Variants in NKAIN2 observed in about 807,000 individuals in gnomAD.
The protein encoded by NKAIN2 is sodium/potassium transporting ATPase interacting 2.
Under a neutral mutation model 32.6 loss-of-function variants are expected in NKAIN2, and 14 were observed. The observed-to-expected ratio is 0.43, with a 90% CI of 0.28 to 0.67. NKAIN2 has a LOEUF of 0.67. Ranked by LOEUF, NKAIN2 falls within the 30% of genes least tolerant of loss-of-function variation. The probability of loss-of-function intolerance (pLI) is 0.17; values close to 1 mark genes in which losing one functional copy is unlikely to be tolerated. For synonymous variants in NKAIN2, 80 were observed against 87.2 expected (o/e 0.92, Z 0.46); for missense variants, 198 against 258.3 (o/e 0.77, Z 1.60).
intron 1 of NKAIN2, among the ~76,000 whole-genome samples, chr6:123,812,328 A>G (rs971990614): frequency 6.6e-6 from 1 of 152,226 alleles, no homozygotes; most frequent in East Asian, 1.9e-4. Flanking sequence ...AGAATTCAGT[A>G]CAGAAACTCA....
At chr6:124,107,023 A>G (rs771392463) in intron 1 of NKAIN2, among the ~76,000 whole-genome samples, 4 of 152,162 alleles carry the variant, frequency 2.6e-5, no homozygotes, top group Non-Finnish European at 4.4e-5. Context: ...AGGGTTCACA[A>G]TTTTTAATAG....
At chr6:124,785,685 GC>G in intron 4 of NKAIN2, among the ~76,000 whole-genome samples, 1 of 152,100 alleles carries the variant, frequency 6.6e-6, no homozygotes. Context: ...GGAAGGTCCT[GC>G]CCCCCACTAG....
chr6:124,080,307 A>G (rs1783899061), intron 1 of NKAIN2, among the ~76,000 whole-genome samples: 1 of 152,140 alleles, frequency 6.6e-6, no homozygotes, highest in South Asian at 2.1e-4. Context: ...TCTTGTTCCT[A>G]GAAGCTAGAA....
chr6:123,924,699 TG>T (rs2114502075), intron 1 of NKAIN2, among the ~76,000 whole-genome samples: 1 of 152,272 alleles, frequency 6.6e-6, no homozygotes, highest in South Asian at 2.1e-4. Context: ...ACGAGTGGAC[TG>T]GACTCAATGA....
chr6:124,379,333 A>G (rs61189588), intron 3 of NKAIN2, among the ~76,000 whole-genome samples: 1,496 of 136,478 alleles, frequency 0.011, 25 homozygotes, highest in African/African-American at 0.04. Context: ...AAGGGAGGAG[A>G]GAGGGGAGTA....
intron 4 of NKAIN2, among the ~76,000 whole-genome samples, chr6:124,707,785 G>A (rs1583686915): frequency 6.6e-6 from 1 of 152,074 alleles, no homozygotes; most frequent in East Asian, 1.9e-4. Flanking sequence ...CTCCCATTGT[G>A]TAGGTTGCCT....
At chr6:123,884,025 TG>T (rs201109213) in intron 1 of NKAIN2, among the ~76,000 whole-genome samples, 1,886 of 152,140 alleles carry the variant, frequency 0.012, 43 homozygotes, top group African/African-American at 0.043. Context: ...ACTTGTGTCT[TG>T]GGGATTTGTT....
At chr6:124,094,982 A>G (rs1784591893) in intron 1 of NKAIN2, among the ~76,000 whole-genome samples, 1 of 152,152 alleles carries the variant, frequency 6.6e-6, no homozygotes, top group Non-Finnish European at 1.5e-5. Flanking sequence ...AGAGTACTTA[A>G]CTTTTTTAAA....
At chr6:124,037,588 A>G (rs1476506616) in intron 1 of NKAIN2, among the ~76,000 whole-genome samples, 1 of 152,116 alleles carries the variant, frequency 6.6e-6, no homozygotes, top group Non-Finnish European at 1.5e-5. Flanking sequence ...TTAAGTCAGT[A>G]TTGTCTTCCC....
intron 1 of NKAIN2, among the ~76,000 whole-genome samples, chr6:124,282,500 G>A (rs888063498): frequency 7.2e-5 from 11 of 152,106 alleles, no homozygotes; most frequent in African/African-American, 2.7e-4. Context: ...AGGCCACTGC[G>A]GCTACTTAGT....
chr6:124,208,058 TTGG>T (rs1315049549), intron 1 of NKAIN2, among the ~76,000 whole-genome samples: 7 of 151,924 alleles, frequency 4.6e-5, no homozygotes, highest in Admixed American at 1.3e-4. Flanking sequence ...GGTTTTTGTC[TTGG>T]TGGCTGTTCT....
At chr6:123,850,125 G>A (rs1027108421) in intron 1 of NKAIN2, among the ~76,000 whole-genome samples, 1 of 150,912 alleles carries the variant, frequency 6.6e-6, no homozygotes, top group African/African-American at 2.4e-5. Flanking sequence ...TTCTTTAAAT[G>A]TTTCTAACTG....
intron 3 of NKAIN2, among the ~76,000 whole-genome samples, chr6:124,399,872 G>A (rs75575721): frequency 0.044 from 6,717 of 152,216 alleles, 206 homozygotes; most frequent in African/African-American, 0.074. Context: ...TGCTGGTGAC[G>A]ATCAGTGAAT....
At chr6:123,981,643 C>G (rs1191227923) in intron 1 of NKAIN2, among the ~76,000 whole-genome samples, 1 of 152,150 alleles carries the variant, frequency 6.6e-6, no homozygotes, top group Non-Finnish European at 1.5e-5. Flanking sequence ...TTGTCTGCGA[C>G]AATTTGGTCC....
intron 3 of NKAIN2, among the ~76,000 whole-genome samples, chr6:124,431,595 C>G (rs1775219186): frequency 6.6e-6 from 1 of 151,930 alleles, no homozygotes; most frequent in African/African-American, 2.4e-5. Flanking sequence ...ATATTTTAAC[C>G]CCCTCAAGAG....
Position 124,545,288 on chromosome 6 carries a change from G to T in NKAIN2, c.274-112898G>T, listed in dbSNP as rs1780054851. On this transcript the variant is annotated intron_variant, in intron 3 of 6. Coordinates refer to ENST00000368417, the MANE Select transcript of NKAIN2 (RefSeq NM_001040214.3). ...ATCAAACACGTAGAAAGGAGAGCTA[G>T]TTTCCTGATTAGAAACAATGAAAAA... Among the ~76,000 whole-genome samples, 3 of 152,186 alleles carry T rather than the reference G, an allele frequency of 2.0e-5. No homozygotes were observed. In the South Asian group the frequency reaches 6.2e-4, roughly 32 times the overall value.
intron 5 of NKAIN2, among the ~76,000 whole-genome samples, chr6:124,800,189 A>C: frequency 6.6e-6 from 1 of 152,140 alleles, no homozygotes; most frequent in African/African-American, 2.4e-5. Flanking sequence ...CCACTTCCTT[A>C]TGCCCGGTTC....
At chr6:124,116,611 G>C (rs1785630672) in intron 1 of NKAIN2, among the ~76,000 whole-genome samples, 1 of 151,686 alleles carries the variant, frequency 6.6e-6, no homozygotes, top group Admixed American at 6.6e-5. Flanking sequence ...TTGTTTTTTT[G>C]TGTGAATATG....
intron 1 of NKAIN2, among the ~76,000 whole-genome samples, chr6:123,851,757 T>C (rs1217233409): frequency 6.6e-6 from 1 of 152,230 alleles, no homozygotes; most frequent in East Asian, 1.9e-4. Context: ...TTTTGCGAAA[T>C]GTCTATTCAA....
Sources: allele counts gnomAD v4.1 joint callset (sites outside exome capture counted in the v4.1 genomes callset), GRCh38; gene constraint gnomAD v4.1.1; transcripts MANE v1.5; gene names NCBI Gene and HGNC (gene_info 2026-07-23, HGNC 2026-07-21).